The following BICDL1 variants were observed in gnomAD, a reference collection of about 807,000 sequenced individuals.
The protein encoded by BICDL1 is BICD family like cargo adaptor 1.
Under a neutral mutation model 76.8 loss-of-function variants are expected in BICDL1, and 20 were observed. The observed-to-expected ratio is 0.26, with a 90% CI of 0.18 to 0.38. The LOEUF (loss-of-function observed/expected upper bound fraction) is 0.38. Ranked by LOEUF, BICDL1 falls within the 10% of genes least tolerant of loss-of-function variation. The pLI is 1.00. For missense variants in BICDL1, 700 were observed against 798.6 expected (o/e 0.88, Z 1.49); for synonymous variants, 383 against 337.1 (o/e 1.14, Z -1.49).
At chr12:120,030,025 T>C (rs1952389814) in intron 2 of BICDL1, among the ~76,000 whole-genome samples, 1 of 152,194 alleles carries the variant, frequency 6.6e-6, no homozygotes, top group African/African-American at 2.4e-5. Flanking sequence ...TATTGAAGGA[T>C]AACTGGCAAA....
chr12:120,081,900 T>G (rs1185439066), intron 8 of BICDL1, among the ~76,000 whole-genome samples: 1 of 149,476 alleles, frequency 6.7e-6, no homozygotes, highest in Non-Finnish European at 1.5e-5. Context: ...CATAAACACT[T>G]CAGTATACAT....
intron 1 of BICDL1, among the ~76,000 whole-genome samples, chr12:119,990,766 A>G (rs1951504040): frequency 6.6e-6 from 1 of 152,220 alleles, no homozygotes; most frequent in East Asian, 1.9e-4. Flanking sequence ...GAGTTGTGGG[A>G]AACAAGTGCC....
At chr12:119,998,796 T>C (rs1025614387) in intron 2 of BICDL1, 60 bp downstream of exon 2, 2 of 1,486,278 alleles carry the variant, frequency 1.3e-6, no homozygotes, top group African/African-American at 2.8e-5. Flanking sequence ...AGGCTGGGCA[T>C]GGAGGCTTAT....
chr12:119,991,803 A>C (rs886363141), intron 1 of BICDL1, among the ~76,000 whole-genome samples: 23 of 152,222 alleles, frequency 1.5e-4, no homozygotes, highest in African/African-American at 5.5e-4. Context: ...AATTACATAC[A>C]TTCTGGGTTC....
intron 1 of BICDL1, among the ~76,000 whole-genome samples, chr12:119,994,574 C>A (rs183669382): frequency 6.6e-6 from 1 of 152,194 alleles, no homozygotes; most frequent in East Asian, 1.9e-4. Flanking sequence ...ACTGCAACCT[C>A]CGCCTCCCGG....
intron 2 of BICDL1, among the ~76,000 whole-genome samples, chr12:120,025,297 T>G (rs571361414): frequency 1.5e-4 from 22 of 151,562 alleles, no homozygotes; most frequent in East Asian, 5.9e-4. Context: ...TGATCCGCCC[T>G]CCTTGGCCTC....
chr12:120,025,279 T>A (rs941137164), intron 2 of BICDL1, among the ~76,000 whole-genome samples: 1 of 151,780 alleles, frequency 6.6e-6, no homozygotes, highest in African/African-American at 2.4e-5. Context: ...CTTGATCTCC[T>A]GACCTCGTGA....
In BICDL1 at chr12:120,080,920, A is replaced by G; in HGVS notation, c.1486A>G (p.Lys496Glu). The G allele has an allele frequency of 6.2e-7, 1 of 1,613,640 alleles. No individual in the cohort carries two copies. The highest frequency in any genetic ancestry group is 8.5e-7 in the Non-Finnish European group (1 of 1,179,804). The change falls in exon 8 of 10, where the codon AAA (lysine) becomes GAA (glutamate). Residue 496 changes from lysine (K) to glutamate (E), a missense_variant. Coordinates refer to ENST00000548673, the MANE Select transcript of BICDL1 (RefSeq NM_001367886.1). ...TLLSVEMTAL[K>E]EERDRLRVTS... ...GCTGAGTGTGGAGATGACTGCCCTAAAAGAGGAGAGAGACCGACTCAGAGT... is the reference window on the plus strand; with the variant it reads ...GCTGAGTGTGGAGATGACTGCCCTAGAAGAGGAGAGAGACCGACTCAGAGT...
At position 120,042,675 on chromosome 12, in the gene BICDL1, G is replaced by A. The variant is rs1249297308; in HGVS notation, c.646-19035G>A. On this transcript the variant is annotated intron_variant, in intron 2 of 9. Coordinates refer to ENST00000548673, the MANE Select transcript of BICDL1 (RefSeq NM_001367886.1). ...CAAAAATTAGCTGCGTTTGGTGGCG[G>A]GTGCCTGTAATCCCAGCTACTCAGG... Among the ~76,000 whole-genome samples, 5 of 152,002 alleles carry A rather than the reference G, an allele frequency of 3.3e-5. No individual in the cohort carries two copies. The South Asian group carries it at 8.3e-4, about 25-fold the overall frequency.
chr12:120,060,246 T>C (rs551809268), intron 2 of BICDL1, among the ~76,000 whole-genome samples: 1 of 152,346 alleles, frequency 6.6e-6, no homozygotes, highest in Admixed American at 6.5e-5. Flanking sequence ...TAAAACAGCC[T>C]AGTGGGTATC....
intron 2 of BICDL1, among the ~76,000 whole-genome samples, chr12:120,003,066 G>C (rs931609119): frequency 1.3e-5 from 2 of 151,828 alleles, no homozygotes; most frequent in Non-Finnish European, 2.9e-5. Context: ...TCTGATGCAG[G>C]AGAATCGCTG....
At chr12:120,035,585 C>T (rs558890418) in intron 2 of BICDL1, among the ~76,000 whole-genome samples, 55 of 152,264 alleles carry the variant, frequency 3.6e-4, no homozygotes, top group Middle Eastern at 3.4e-3. Context: ...TGCTCTTAAA[C>T]CCCTGCTAAA....
At chr12:120,064,025 G>A (rs762071918) in intron 3 of BICDL1, among the ~76,000 whole-genome samples, 3 of 152,182 alleles carry the variant, frequency 2.0e-5, no homozygotes, top group East Asian at 1.9e-4. Flanking sequence ...CAGTGTATAC[G>A]AACATATCAA....
intron 3 of BICDL1, chr12:120,064,498 A>C: frequency 3.5e-6 from 1 of 282,216 alleles, no homozygotes; most frequent in Non-Finnish European, 6.5e-6. Flanking sequence ...CTGGCATCCC[A>C]CATTCCAGCT....
At chr12:120,039,637 C>CAAAA (rs58284420) in intron 2 of BICDL1, among the ~76,000 whole-genome samples, 16 of 54,684 alleles carry the variant, frequency 2.9e-4, no homozygotes, top group African/African-American at 5.6e-4. Context: ...GACTCCGTCT[C>CAAAA]AAAAAAAAAA....
At chr12:120,029,235 G>C (rs1277517433) in intron 2 of BICDL1, among the ~76,000 whole-genome samples, 1 of 152,166 alleles carries the variant, frequency 6.6e-6, no homozygotes, top group Non-Finnish European at 1.5e-5. Flanking sequence ...AATGTACTAT[G>C]CAACCCCAGG....
At position 120,071,051 on chromosome 12, in the gene BICDL1, T is replaced by A. The variant is rs1464347165; in HGVS notation, c.910-571T>A. 6.6e-6 allele frequency among the ~76,000 whole-genome samples: 1 copy of A among 151,968 alleles called. No homozygotes were observed. Among genetic ancestry groups the A allele is most frequent in the Non-Finnish European group, 1.5e-5 (1 of 68,004 alleles). Reference sequence around the variant, plus strand: ...GGCCTGGTTGGTATAACTCAAGTCTTTTTTTATTTCTGTGTTCCTCCTTTA... The same window carrying A: ...GGCCTGGTTGGTATAACTCAAGTCTATTTTTATTTCTGTGTTCCTCCTTTA... On this transcript the variant is annotated intron_variant, in intron 4 of 9. Coordinates refer to ENST00000548673, the MANE Select transcript of BICDL1 (RefSeq NM_001367886.1). This position sits in a 1 kb window ranked among gnomAD's most constrained non-coding sequence, Gnocchi z 4.8.
intron 2 of BICDL1, among the ~76,000 whole-genome samples, chr12:120,040,043 A>G (rs1594153110): frequency 6.6e-6 from 1 of 152,272 alleles, no homozygotes; most frequent in East Asian, 1.9e-4. Context: ...TTACCAGACT[A>G]CCTAGCTGCT....
intron 9 of BICDL1, 196 bp from the exon 10 acceptor site, chr12:120,092,804 G>A: frequency 1.0e-6 from 1 of 985,470 alleles, no homozygotes; most frequent in Non-Finnish European, 1.2e-6. Context: ...GAGGCTGGAG[G>A]TGCCATACGG....
Sources: allele counts gnomAD v4.1 joint callset (sites outside exome capture counted in the v4.1 genomes callset), GRCh38; gene constraint gnomAD v4.1.1; non-coding constraint Gnocchi (gnomAD v3.1); transcripts MANE v1.5; gene names NCBI Gene and HGNC (gene_info 2026-07-23, HGNC 2026-07-21).